CTNNA3: variants seen among roughly 807,000 people sequenced by gnomAD.
CTNNA3 encodes catenin alpha-3.
A neutral mutation model predicts 95.7 loss-of-function variants in CTNNA3; 76 were observed. That is an observed-to-expected ratio of 0.79 (90% CI 0.66 to 0.96). The LOEUF is 0.96. Among genes scored for constraint, CTNNA3 ranks in the 40% least tolerant of loss-of-function variants. CTNNA3 has a pLI of 0.00. For missense variants in CTNNA3, 1,191 were observed against 1,089.8 expected, an observed-to-expected ratio of 1.09 and a Z score of -1.31; for synonymous variants, 431 against 374.4, an observed-to-expected ratio of 1.15 and a Z score of -1.74.
At chr10:67,472,005 C>T (rs1476232876) in intron 5 of CTNNA3, among the ~76,000 whole-genome samples, 2 of 152,138 alleles carry the variant, frequency 1.3e-5, no homozygotes, top group Non-Finnish European at 2.9e-5. Context: ...TAAATCAAAT[C>T]GTACCAAAAA....
At chr10:66,174,562 C>T (rs570679058) in intron 13 of CTNNA3, among the ~76,000 whole-genome samples, 1 of 152,096 alleles carries the variant, frequency 6.6e-6, no homozygotes, top group South Asian at 2.1e-4. Context: ...TGGGTTTGAA[C>T]TATGTGGGTC....
intron 7 of CTNNA3, among the ~76,000 whole-genome samples, chr10:67,058,306 A>C (rs1855560448): frequency 6.6e-6 from 1 of 152,182 alleles, no homozygotes; most frequent in South Asian, 2.1e-4. Flanking sequence ...CTTACTAGAG[A>C]ACTTTGTTCT....
At position 66,444,015 on chromosome 10, in the gene CTNNA3, T is replaced by C. The variant is rs186249210; in HGVS notation, c.1532-64663A>G. Among the ~76,000 whole-genome samples the C allele has an allele frequency of 3.4e-3, 520 of 152,070 alleles. 3 individuals are homozygous for C. Among genetic ancestry groups the C allele is most frequent in the African/African-American group, 0.012 (495 of 41,460 alleles). ...GAGTTGAAAGCCAAGGCTCAAGAAC[T>C]ACGTGAAGAACGCAGAAGCCTCAGG... On this transcript the variant is annotated intron_variant, in intron 11 of 17. Coordinates refer to ENST00000433211, the MANE Select transcript of CTNNA3 (RefSeq NM_013266.4).
chr10:67,302,033 AAGAAAGAAAGAAAG>A (rs1840330787), intron 5 of CTNNA3, among the ~76,000 whole-genome samples: 1 of 96,886 alleles, frequency 1.0e-5, no homozygotes, highest in Non-Finnish European at 1.9e-5. Flanking sequence ...GAAAGAAAGA[AAGAAAGAAAGAAAG>A]AAAGAAAGAA....
At chr10:67,694,493 A>C (rs1386581011) in intron 1 of CTNNA3, among the ~76,000 whole-genome samples, 1 of 152,164 alleles carries the variant, frequency 6.6e-6, no homozygotes, top group Non-Finnish European at 1.5e-5. Flanking sequence ...ACAGAGATTA[A>C]GGAAATTATC....
intron 7 of CTNNA3, among the ~76,000 whole-genome samples, chr10:66,911,237 G>A (rs1269560335): frequency 6.6e-6 from 1 of 152,130 alleles, no homozygotes; most frequent in Non-Finnish European, 1.5e-5. Context: ...GAACTTAAAA[G>A]AATTGTTTTG....
chr10:66,572,658 A>T (rs547790186), intron 10 of CTNNA3, among the ~76,000 whole-genome samples: 1 of 152,254 alleles, frequency 6.6e-6, no homozygotes, highest in African/African-American at 2.4e-5. Context: ...AAAAAGATAA[A>T]GAAAACTTCA....
intron 1 of CTNNA3, among the ~76,000 whole-genome samples, chr10:67,677,178 T>C (rs1293680833): frequency 6.6e-6 from 1 of 152,192 alleles, no homozygotes; most frequent in Non-Finnish European, 1.5e-5. Flanking sequence ...CCTTTTACGC[T>C]AGTATCTGAG....
intron 13 of CTNNA3, among the ~76,000 whole-genome samples, chr10:66,142,834 G>A (rs780188547): frequency 6.6e-6 from 1 of 152,028 alleles, no homozygotes; most frequent in Non-Finnish European, 1.5e-5. Flanking sequence ...GAAAAGAGCA[G>A]AGTATAAAAA....
chr10:66,633,419 G>A (rs996483105), intron 9 of CTNNA3, among the ~76,000 whole-genome samples: 27 of 152,206 alleles, frequency 1.8e-4, no homozygotes, highest in Middle Eastern at 3.4e-3. Context: ...AGTGGCTCAC[G>A]CCTGTAATCC....
At chr10:67,757,880 T>C (rs1841442238) in intron 1 of CTNNA3, among the ~76,000 whole-genome samples, 1 of 152,184 alleles carries the variant, frequency 6.6e-6, no homozygotes, top group Non-Finnish European at 1.5e-5. Flanking sequence ...GTTCTGTCCC[T>C]CTAGAGAACC....
intron 13 of CTNNA3, among the ~76,000 whole-genome samples, chr10:66,126,314 A>ATTGT (rs2082828440): frequency 1.3e-5 from 2 of 152,214 alleles, no homozygotes; most frequent in Admixed American, 1.3e-4. Flanking sequence ...CAGGTTTTTC[A>ATTGT]TTGTTAGAAT....
chr10:67,170,496 C>T (rs1861972079), intron 7 of CTNNA3, among the ~76,000 whole-genome samples: 2 of 152,138 alleles, frequency 1.3e-5, no homozygotes, highest in African/African-American at 2.4e-5. Flanking sequence ...AGGCTATTAT[C>T]CTTAGTATAC....
At chr10:67,550,149 A>G (rs76395100) in intron 3 of CTNNA3, among the ~76,000 whole-genome samples, 12,869 of 152,256 alleles carry the variant, frequency 0.085, 574 homozygotes, top group Non-Finnish European at 0.1. Context: ...AATCCCAGAC[A>G]ACATAAAGTT....
At chr10:66,778,830 G>C (rs972661437) in intron 7 of CTNNA3, among the ~76,000 whole-genome samples, 1 of 152,064 alleles carries the variant, frequency 6.6e-6, no homozygotes, top group African/African-American at 2.4e-5. Flanking sequence ...ACAAGAATTA[G>C]CTGGGCATGG....
intron 7 of CTNNA3, among the ~76,000 whole-genome samples, chr10:66,960,304 T>C (rs1228684440): frequency 2.6e-5 from 4 of 152,170 alleles, no homozygotes; most frequent in Non-Finnish European, 5.9e-5. Flanking sequence ...TGGAGCATTT[T>C]TGCATTTCTA....
chr10:66,442,025 A>G (rs980472685), intron 11 of CTNNA3, among the ~76,000 whole-genome samples: 3 of 152,234 alleles, frequency 2.0e-5, no homozygotes, highest in Non-Finnish European at 2.9e-5. Flanking sequence ...TTAATAGTAC[A>G]TTGTTTGAAA....
At chr10:66,221,794 G>A (rs1468578028) in intron 13 of CTNNA3, among the ~76,000 whole-genome samples, 2 of 152,160 alleles carry the variant, frequency 1.3e-5, no homozygotes, top group African/African-American at 2.4e-5. Context: ...TAACATGCTG[G>A]GAGCGGGGGA....
chr10:66,646,099 G>T (rs1485996179), intron 9 of CTNNA3, among the ~76,000 whole-genome samples: 1 of 152,096 alleles, frequency 6.6e-6, no homozygotes, highest in Non-Finnish European at 1.5e-5. Flanking sequence ...GGATTTTGAA[G>T]AAATTGCATA....
Sources: gnomAD v4.1 joint callset for allele counts (sites outside exome capture counted in the v4.1 genomes callset) on GRCh38, gnomAD v4.1.1 for gene constraint, MANE v1.5 for transcripts, NCBI Gene and HGNC (gene_info 2026-07-23, HGNC 2026-07-21) for gene names.